Variants in SHROOM2 observed in about 807,000 individuals in gnomAD.
SHROOM2 encodes shroom family member 2.
SHROOM2 carries 33 observed loss-of-function variants against 75.9 expected under a neutral mutation model. That is an observed-to-expected ratio of 0.43 (90% CI 0.33 to 0.58). SHROOM2 has a LOEUF of 0.58. Among genes scored for constraint, SHROOM2 ranks in the 20% least tolerant of loss-of-function variants. The pLI is 0.04. For synonymous variants in SHROOM2, 655 were observed against 663.6 expected (o/e 0.99, Z 0.20); for missense variants, 1,434 against 1,461.2 (o/e 0.98, Z 0.30).
At chrX:9,936,154 G>C (rs2084703439) in intron 6 of SHROOM2, among the ~76,000 whole-genome samples, 1 of 109,879 alleles carries the variant, frequency 9.1e-6, no homozygotes, top group Non-Finnish European at 1.9e-5. Flanking sequence ...CTAGAGTGCA[G>C]TGGTGTGATC....
rs753442812 is a variant in SHROOM2 at position 9,884,352 on chromosome X, AT to A, written c.318-6615del. Among the ~76,000 whole-genome samples, 170 of 63,295 alleles carry A rather than the reference AT, an allele frequency of 2.7e-3. 3 individuals carry two copies. The highest frequency in any genetic ancestry group is 0.011 in the African/African-American group (162 of 14,729). 55.0% of individuals were successfully genotyped at this position (63,295 alleles called of 115,157 possible). A position where few individuals can be genotyped will look rare whatever the true frequency, so the allele number is the denominator to read the frequency against. On this transcript the variant is annotated intron_variant, in intron 2 of 9. Coordinates refer to ENST00000380913, the MANE Select transcript of SHROOM2 (RefSeq NM_001649.4). Reference sequence around the variant, plus strand: ...TTAGGAAAATAACCCAACACTCGTGATTTTTTTTTTCTTTTCTTTTTTTTTT... The same window carrying A: ...TTAGGAAAATAACCCAACACTCGTGATTTTTTTTTCTTTTCTTTTTTTTTT...
chrX:9,812,446 T>C (rs2083796879), intron 1 of SHROOM2, among the ~76,000 whole-genome samples: 1 of 112,314 alleles, frequency 8.9e-6, no homozygotes, highest in African/African-American at 3.2e-5. Flanking sequence ...CACTAAGCGT[T>C]GTTGTGCCTC....
At chrX:9,903,999 G>A (rs907945834) in intron 5 of SHROOM2, among the ~76,000 whole-genome samples, 2 of 111,212 alleles carry the variant, frequency 1.8e-5, no homozygotes, top group Non-Finnish European at 3.8e-5. Flanking sequence ...ATAGCTTTCA[G>A]GTGATAGTTT....
rs183792657 is a variant in SHROOM2, at chrX:9,903,009, C to T, written c.2891+4719C>T. On this transcript the variant is annotated intron_variant, in intron 5 of 9. Transcript: ENST00000380913. ...AAAATTGAATGCATACGAAATAGAG[C>T]TCTTTAGGGAAAAATTTGCTTTCAT... 2.9e-3 allele frequency among the ~76,000 whole-genome samples: 323 copies of T among 111,963 alleles called. 1 individual carries two copies. The highest frequency in any genetic ancestry group is 5.1e-3 in the Non-Finnish European group (272 of 53,155).
intron 2 of SHROOM2, among the ~76,000 whole-genome samples, chrX:9,878,873 G>A (rs1172857526): frequency 9.0e-6 from 1 of 111,518 alleles, no homozygotes; most frequent in Non-Finnish European, 1.9e-5. Flanking sequence ...TGATGTCTTT[G>A]TCTGTGATTC....
intron 2 of SHROOM2, among the ~76,000 whole-genome samples, chrX:9,877,411 T>A (rs1420749204): frequency 9.0e-6 from 1 of 110,906 alleles, no homozygotes; most frequent in Non-Finnish European, 1.9e-5. Flanking sequence ...GTCGGTTAGG[T>A]CAGGAGGAGA....
intron 1 of SHROOM2, among the ~76,000 whole-genome samples, chrX:9,871,396 G>T (rs146593746): frequency 9.0e-6 from 1 of 111,394 alleles, no homozygotes; most frequent in Non-Finnish European, 1.9e-5. Flanking sequence ...AACCTGGGGG[G>T]AGGGTTGCTC....
chrX:9,887,201 C>G (rs1398793254), intron 2 of SHROOM2, among the ~76,000 whole-genome samples: 1 of 112,497 alleles, frequency 8.9e-6, no homozygotes. Context: ...CTGCTGTCTC[C>G]CCGATGTAAC....
rs1240911207 is a variant in SHROOM2 at position 9,898,240 on chromosome X, A to G, written c.2841A>G (p.Arg947=). 1.7e-6 allele frequency: 2 copies of G among 1,188,981 alleles called. No individual in the cohort carries two copies. The highest frequency in any genetic ancestry group is 3.0e-5 in the East Asian group (1 of 32,863). ...RRQAGDPGEP[R]EELPSAVRAE... Reference sequence around the variant, plus strand: ...AGGCAGGGGACCCCGGCGAGCCCAGAGAAGAGCTTCCCTCCGCAGTCCGGG... The same window carrying G: ...AGGCAGGGGACCCCGGCGAGCCCAGGGAAGAGCTTCCCTCCGCAGTCCGGG... Residue 947 remains arginine, a synonymous_variant, in exon 5 of 10, where the codon AGA becomes AGG. Transcript: ENST00000380913.
chrX:9,811,024 C>T (rs1036387911), intron 1 of SHROOM2, among the ~76,000 whole-genome samples: 7 of 111,996 alleles, frequency 6.3e-5, no homozygotes. Context: ...CGTGAGTCCA[C>T]AGATGGTAGT....
intron 1 of SHROOM2, among the ~76,000 whole-genome samples, chrX:9,849,027 C>T (rs1477267270): frequency 1.8e-5 from 2 of 111,888 alleles, no homozygotes; most frequent in Non-Finnish European, 3.8e-5. Flanking sequence ...GCTGGACTCA[C>T]CCGTGGGTCT....
At chrX:9,931,589 G>A (rs368353106) in intron 5 of SHROOM2, among the ~76,000 whole-genome samples, 1 of 111,243 alleles carries the variant, frequency 9.0e-6, no homozygotes. Flanking sequence ...CGAGGCTGCA[G>A]CATGCTATGA....
chrX:9,897,947 A>C lies in SHROOM2; in HGVS notation c.2791-243A>C, dbSNP rs768030771. Among the ~76,000 whole-genome samples the C allele has an allele frequency of 2.7e-5, 3 of 112,325 alleles. No homozygotes were observed. The Admixed American group carries it at 2.8e-4, about 11-fold the overall frequency. On this transcript the variant is annotated intron_variant, in intron 4 of 9. Transcript: ENST00000380913. ...TGAGGCTTCACCGCTGTAATTTGTGACCAGCTGTATTTTATTTTATTTCTT... is the reference window on the plus strand; with the variant it reads ...TGAGGCTTCACCGCTGTAATTTGTGCCCAGCTGTATTTTATTTTATTTCTT...
intron 3 of SHROOM2, among the ~76,000 whole-genome samples, chrX:9,892,810 C>G (rs1243007996): frequency 1.8e-5 from 2 of 112,463 alleles, no homozygotes; most frequent in Non-Finnish European, 3.8e-5. Context: ...CATCCTCACT[C>G]TCCCCCAACC....
rs1010326857 is a variant in SHROOM2, at chrX:9,786,687, G to C, written c.142G>C (p.Gly48Arg). Residue 48 changes from glycine (G) to arginine (R), a missense_variant, in exon 1 of 10, where the codon GGC becomes CGC. Gly to Arg is a moderately radical substitution (Grantham distance 125). Transcript: ENST00000380913. ...GFTLKGGREH[G>R]EPLVITKIEE... ...CACCCTGAAGGGCGGCCGCGAGCAC[G>C]GCGAGCCGCTGGTCATCACCAAGGT... 6 of 888,577 alleles carry C rather than the reference G, an allele frequency of 6.8e-6. No individual in the cohort carries two copies. The highest frequency in any genetic ancestry group is 8.3e-6 in the Non-Finnish European group (6 of 724,313). The allele number at this position is 888,577 out of a possible 1,213,427, so 73.2% of individuals were successfully genotyped here.
chrX:9,838,419 G>A (rs1481451876), intron 1 of SHROOM2, among the ~76,000 whole-genome samples: 1 of 110,671 alleles, frequency 9.0e-6, no homozygotes, highest in Non-Finnish European at 1.9e-5. Flanking sequence ...CAACACCCAC[G>A]GCAGCTAAAA....
intron 8 of SHROOM2, 44 bp from the exon 9 acceptor site, chrX:9,944,597 C>T: frequency 8.6e-7 from 1 of 1,167,942 alleles, no homozygotes; most frequent in Non-Finnish European, 1.1e-6. Flanking sequence ...GGGGGCCGGC[C>T]TAACCAGTGT....
rs1415606860 is a variant in SHROOM2, at chrX:9,948,973, A to G, written c.*2036A>G. 2 of 137,227 alleles carry G rather than the reference A, an allele frequency of 1.5e-5. No homozygotes were observed. The highest frequency in any genetic ancestry group is 6.2e-5 in the African/African-American group (2 of 32,419). The allele number at this position is 137,227 out of a possible 1,213,427, so 11.3% of individuals were successfully genotyped here. On this transcript the variant is annotated 3_prime_UTR_variant, in exon 10 of 10. Coordinates refer to ENST00000380913, the MANE Select transcript of SHROOM2 (RefSeq NM_001649.4). ...ATACAGTATTGTGGTCATTTTGATG[A>G]TATGTGTGTAAAATGTGAATAATCC...
At chrX:9,789,693 C>G (rs1003010944) in intron 1 of SHROOM2, among the ~76,000 whole-genome samples, 1 of 111,265 alleles carries the variant, frequency 9.0e-6, no homozygotes, top group Non-Finnish European at 1.9e-5. Context: ...GTTAAATACA[C>G]CAGCTGGGTG....
Sources: allele counts gnomAD v4.1 joint callset (sites outside exome capture counted in the v4.1 genomes callset), GRCh38; gene constraint gnomAD v4.1.1; transcripts MANE v1.5; gene names NCBI Gene and HGNC (gene_info 2026-07-23, HGNC 2026-07-21).